Variants in GNAI1 observed in about 807,000 individuals in gnomAD.
The protein encoded by GNAI1 is G protein subunit alpha i1, also known as guanine nucleotide-binding protein G(i) subunit alpha-1.
Under a neutral mutation model 38.9 loss-of-function variants are expected in GNAI1, and 11 were observed. The ratio of observed to expected loss-of-function variants is 0.28; its 90% confidence interval spans 0.18 to 0.47. The LOEUF (loss-of-function observed/expected upper bound fraction) is 0.47. GNAI1 is among the 20% of genes least tolerant of loss of function. The probability of loss-of-function intolerance (pLI) is 0.99; values close to 1 mark genes in which losing one functional copy is unlikely to be tolerated. For synonymous variants in GNAI1, 166 were observed against 145.1 expected (o/e 1.14, Z -1.04); for missense variants, 317 against 436.9 (o/e 0.73, Z 2.45).
At chr7:80,142,765 C>T (rs1787548640) in intron 1 of GNAI1, among the ~76,000 whole-genome samples, 1 of 152,168 alleles carries the variant, frequency 6.6e-6, no homozygotes, top group South Asian at 2.1e-4. Flanking sequence ...TGAAAACCTA[C>T]TACATTATTC....
intron 1 of GNAI1, among the ~76,000 whole-genome samples, chr7:80,164,094 G>C (rs1787971626): frequency 6.9e-6 from 1 of 144,254 alleles, no homozygotes; most frequent in Non-Finnish European, 1.5e-5. Context: ...CACCAGGCTG[G>C]AGTGCAGTGG....
At chr7:80,182,855 A>T (rs1358738078) in intron 1 of GNAI1, among the ~76,000 whole-genome samples, 1 of 152,194 alleles carries the variant, frequency 6.6e-6, no homozygotes, top group Admixed American at 6.5e-5. Flanking sequence ...TTTGTCACAC[A>T]TAGCTTACCC....
chr7:80,197,872 G>A (rs1444509719), intron 3 of GNAI1, among the ~76,000 whole-genome samples: 1 of 152,076 alleles, frequency 6.6e-6, no homozygotes, highest in Non-Finnish European at 1.5e-5. Context: ...CTGCTAGCCT[G>A]TGTCACCAAA....
At chr7:80,211,716 G>A (rs1788877383) in intron 6 of GNAI1, among the ~76,000 whole-genome samples, 1 of 152,142 alleles carries the variant, frequency 6.6e-6, no homozygotes, top group East Asian at 1.9e-4. Flanking sequence ...ACCGCACCCA[G>A]CCGGTAAATC....
In GNAI1 at chr7:80,221,919, C is replaced by T. The variant is rs747876253; in HGVS notation, c.*4426C>T. Among the ~76,000 whole-genome samples, 2 of 152,002 alleles carry T rather than the reference C, an allele frequency of 1.3e-5. No homozygotes were observed. The highest frequency in any genetic ancestry group is 2.4e-5 in the African/African-American group (1 of 41,388). On this transcript the variant is annotated 3_prime_UTR_variant, in exon 8 of 8. Coordinates refer to ENST00000649796, the MANE Select transcript of GNAI1 (RefSeq NM_002069.6). Reference sequence around the variant, plus strand: ...CCTCCCAAAGTGCTGGGATTACAGACGTGAGCCACTGCGCCCAGCCAGTTT... The same window carrying T: ...CCTCCCAAAGTGCTGGGATTACAGATGTGAGCCACTGCGCCCAGCCAGTTT...
At chr7:80,205,522 A>T (rs574450753) in intron 5 of GNAI1, among the ~76,000 whole-genome samples, 3 of 152,158 alleles carry the variant, frequency 2.0e-5, no homozygotes. Context: ...TTAATATTTC[A>T]TGTTTTTCTA....
chr7:80,200,794 C>T (rs1343186251), intron 4 of GNAI1, among the ~76,000 whole-genome samples: 6 of 152,052 alleles, frequency 3.9e-5, no homozygotes, highest in Non-Finnish European at 4.4e-5. Flanking sequence ...TGTATTATTA[C>T]GTGGTTTATA....
chr7:80,169,365 A>T (rs1402979211), intron 1 of GNAI1, among the ~76,000 whole-genome samples: 1 of 152,244 alleles, frequency 6.6e-6, no homozygotes, highest in Non-Finnish European at 1.5e-5. Flanking sequence ...ATTTTAAAGT[A>T]ATAGACATGT....
intron 1 of GNAI1, among the ~76,000 whole-genome samples, chr7:80,160,931 C>T (rs1787913824): frequency 6.6e-6 from 1 of 152,124 alleles, no homozygotes. Flanking sequence ...TTGCAGTCTT[C>T]TCCAGAACAC....
intron 1 of GNAI1, among the ~76,000 whole-genome samples, chr7:80,160,141 C>T (rs942656160): frequency 3.3e-5 from 5 of 151,780 alleles, no homozygotes; most frequent in African/African-American, 9.7e-5. Context: ...ATCACATCAA[C>T]ACTCTACAAG....
chr7:80,166,382 T>C (rs1268192980), intron 1 of GNAI1, among the ~76,000 whole-genome samples: 1 of 152,096 alleles, frequency 6.6e-6, no homozygotes, highest in Non-Finnish European at 1.5e-5. Context: ...AATTTCGAAA[T>C]TGTTTAAAAA....
chr7:80,158,686 C>T (rs1407094429), intron 1 of GNAI1, among the ~76,000 whole-genome samples: 1 of 152,186 alleles, frequency 6.6e-6, no homozygotes, highest in East Asian at 1.9e-4. Context: ...TTATAAGTTA[C>T]CCAGTCTCAG....
intron 1 of GNAI1, among the ~76,000 whole-genome samples, chr7:80,154,679 G>C (rs915393443): frequency 1.3e-4 from 20 of 151,954 alleles, no homozygotes; most frequent in African/African-American, 2.2e-4. Context: ...TTTTATAGTT[G>C]GTTTTCTTTA....
At chr7:80,149,950 T>C (rs1388611631) in intron 1 of GNAI1, among the ~76,000 whole-genome samples, 2 of 152,176 alleles carry the variant, frequency 1.3e-5, no homozygotes, top group African/African-American at 4.8e-5. Context: ...ATTGAAAACC[T>C]ACATACCCTA....
intron 3 of GNAI1, among the ~76,000 whole-genome samples, chr7:80,196,221 A>C (rs551342011): frequency 6.6e-6 from 1 of 152,102 alleles, no homozygotes; most frequent in African/African-American, 2.4e-5. Flanking sequence ...AAATCAACTT[A>C]TTTTTGTTTA....
chr7:80,153,150 G>T (rs1787757482), intron 1 of GNAI1, among the ~76,000 whole-genome samples: 1 of 152,068 alleles, frequency 6.6e-6, no homozygotes, highest in African/African-American at 2.4e-5. Flanking sequence ...TCATTGACAG[G>T]CCAGCCCCTG....
rs184991524 is a variant in GNAI1 at position 80,223,001 on chromosome 7, A to G, written c.*5508A>G. ...AAGATAGCATAAAGCCTATTTTACAATAAAGGATATCTCATGTAATTTTCT... is the reference window on the plus strand; with the variant it reads ...AAGATAGCATAAAGCCTATTTTACAGTAAAGGATATCTCATGTAATTTTCT... On this transcript the variant is annotated 3_prime_UTR_variant, in exon 8 of 8. Coordinates refer to ENST00000649796, the MANE Select transcript of GNAI1 (RefSeq NM_002069.6). 8.5e-5 allele frequency among the ~76,000 whole-genome samples: 13 copies of G among 152,366 alleles called. No homozygotes were observed. Among genetic ancestry groups the G allele is most frequent in the East Asian group, 1.9e-4 (1 of 5,188 alleles).
At chr7:80,152,954 CCT>C (rs1213696649) in intron 1 of GNAI1, among the ~76,000 whole-genome samples, 1 of 151,692 alleles carries the variant, frequency 6.6e-6, no homozygotes, top group Non-Finnish European at 1.5e-5. Flanking sequence ...AAAAAAAAAA[CCT>C]GAGGCAATTA....
intron 3 of GNAI1, among the ~76,000 whole-genome samples, chr7:80,195,886 T>C (rs1481051373): frequency 6.6e-6 from 1 of 151,986 alleles, no homozygotes; most frequent in Non-Finnish European, 1.5e-5. Flanking sequence ...TCTGATATCT[T>C]TTGCTCTAAG....
Sources: gnomAD v4.1 joint callset for allele counts (sites outside exome capture counted in the v4.1 genomes callset) on GRCh38, gnomAD v4.1.1 for gene constraint, MANE v1.5 for transcripts, NCBI Gene and HGNC (gene_info 2026-07-23, HGNC 2026-07-21) for gene names.